PTTG1IP2: variants seen among roughly 807,000 people sequenced by gnomAD.
The protein encoded by PTTG1IP2 is PTTG1IP family member 2.
intron 5 of PTTG1IP2, among the ~76,000 whole-genome samples, chr7:90,492,694 A>G (rs1317607090): frequency 1.3e-5 from 2 of 152,190 alleles, no homozygotes; most frequent in African/African-American, 4.8e-5. Flanking sequence ...ATATTGATAA[A>G]GATGGGCTAA....
chr7:90,480,170 C>T (rs1186251035), intron 2 of PTTG1IP2, among the ~76,000 whole-genome samples: 1 of 152,162 alleles, frequency 6.6e-6, no homozygotes, highest in South Asian at 2.1e-4. Flanking sequence ...TGTAGTAAGA[C>T]ATCACTTCTG....
chr7:90,494,658 G>T (rs1797973010), intron 6 of PTTG1IP2, among the ~76,000 whole-genome samples: 1 of 152,124 alleles, frequency 6.6e-6, no homozygotes, highest in South Asian at 2.1e-4. Flanking sequence ...GAAGAGGGAG[G>T]ATCACCTGAG....
At chr7:90,506,050 A>G (rs1798121430) in intron 6 of PTTG1IP2, among the ~76,000 whole-genome samples, 1 of 148,200 alleles carries the variant, frequency 6.7e-6, no homozygotes, top group African/African-American at 2.5e-5. Flanking sequence ...TTCACTCACC[A>G]GCTTTTCTCC....
rs541339545 is a variant in PTTG1IP2 at position 90,511,413 on chromosome 7, C to A, written c.*51-1865C>A. ...AATTCCTTAGTGATATAGGAAAGGA[C>A]CTTCACAATTTGGGCTCAAGAGATA... On this transcript the variant is annotated intron_variant, in intron 6 of 6. Coordinates refer to ENST00000509356, the MANE Select transcript of PTTG1IP2 (RefSeq NM_001365443.2). Among the ~76,000 whole-genome samples, 97 of 152,244 alleles carry A rather than the reference C, an allele frequency of 6.4e-4. 1 individual carries two copies. Among genetic ancestry groups the A allele is most frequent in the South Asian group, 1.2e-3 (6 of 4,828 alleles).
rs200622044 is a variant in PTTG1IP2 at position 90,511,060 on chromosome 7, T to A, written c.*51-2218T>A. On this transcript the variant is annotated intron_variant, in intron 6 of 6. Coordinates refer to ENST00000509356, the MANE Select transcript of PTTG1IP2 (RefSeq NM_001365443.2). ...CATCTCTGTGACAATACAAGCCCCTTGAGGGCAAGGACAGTATTTTTTTTT... is the reference window on the plus strand; with the variant it reads ...CATCTCTGTGACAATACAAGCCCCTAGAGGGCAAGGACAGTATTTTTTTTT... Among the ~76,000 whole-genome samples the A allele has an allele frequency of 6.0e-5, 9 of 150,682 alleles. No homozygotes were observed. The East Asian group carries it at 1.8e-3, about 30-fold the overall frequency.
chr7:90,496,981 T>G (rs1390195774), intron 6 of PTTG1IP2, among the ~76,000 whole-genome samples: 1 of 152,252 alleles, frequency 6.6e-6, no homozygotes, highest in Non-Finnish European at 1.5e-5. Context: ...AATTTCCATG[T>G]TTTGGTGAAT....
chr7:90,474,044 A>G (rs1353912879), intron 1 of PTTG1IP2, among the ~76,000 whole-genome samples: 2 of 152,188 alleles, frequency 1.3e-5, no homozygotes, highest in African/African-American at 4.8e-5. Context: ...ATAGTTAGGC[A>G]ATTTCATCAT....
intron 1 of PTTG1IP2, among the ~76,000 whole-genome samples, chr7:90,478,848 A>G (rs1797782541): frequency 6.8e-6 from 1 of 147,832 alleles, no homozygotes; most frequent in Non-Finnish European, 1.5e-5. Context: ...TTTTTTTACT[A>G]TTTAAAGGGT....
chr7:90,487,983 C>T (rs1224955055), intron 3 of PTTG1IP2, among the ~76,000 whole-genome samples: 2 of 152,020 alleles, frequency 1.3e-5, no homozygotes, highest in African/African-American at 4.8e-5. Context: ...TAATGATTCA[C>T]TAGGACTGAA....
chr7:90,483,182 C>T (rs1336107550), intron 2 of PTTG1IP2, among the ~76,000 whole-genome samples: 3 of 152,114 alleles, frequency 2.0e-5, no homozygotes, highest in Non-Finnish European at 2.9e-5. Context: ...CAACCAGTAT[C>T]GTGGATTATT....
At chr7:90,483,229 G>A (rs1051869173) in intron 2 of PTTG1IP2, among the ~76,000 whole-genome samples, 1 of 152,076 alleles carries the variant, frequency 6.6e-6, no homozygotes, top group Non-Finnish European at 1.5e-5. Context: ...TACCACTGTT[G>A]GCATGATCCT....
intron 3 of PTTG1IP2, among the ~76,000 whole-genome samples, chr7:90,488,366 C>T (rs902772968): frequency 1.3e-5 from 2 of 151,830 alleles, no homozygotes; most frequent in African/African-American, 2.4e-5. Flanking sequence ...CATTTTACAA[C>T]ATACCAAGCT....
At chr7:90,499,705 T>C (rs1390155648) in intron 6 of PTTG1IP2, among the ~76,000 whole-genome samples, 1 of 152,078 alleles carries the variant, frequency 6.6e-6, no homozygotes, top group East Asian at 1.9e-4. Flanking sequence ...TGCCTCAGGC[T>C]CCAGAGTAGC....
chr7:90,470,303 T>C (rs1334557990), intron 1 of PTTG1IP2: 1 of 152,250 alleles, frequency 6.6e-6, no homozygotes, highest in East Asian at 1.9e-4. Flanking sequence ...TTTTAAGGTC[T>C]TAGTTAATAA....
At chr7:90,470,820 TC>T (rs1249404296) in intron 1 of PTTG1IP2, among the ~76,000 whole-genome samples, 1 of 152,062 alleles carries the variant, frequency 6.6e-6, no homozygotes, top group Non-Finnish European at 1.5e-5. Flanking sequence ...TCCAGTGCCA[TC>T]CTGGCCCCTT....
intron 3 of PTTG1IP2, among the ~76,000 whole-genome samples, chr7:90,488,205 T>C (rs1797898192): frequency 6.6e-6 from 1 of 152,006 alleles, no homozygotes; most frequent in Admixed American, 6.6e-5. Flanking sequence ...TTCACTGAAG[T>C]AAAAAGATAT....
Position 90,491,678 on chromosome 7 carries a change from C to T in PTTG1IP2, c.381-561C>T, listed in dbSNP as rs867342495. 2.0e-4 allele frequency among the ~76,000 whole-genome samples: 30 copies of T among 150,926 alleles called. 1 individual carries two copies. The highest frequency in any genetic ancestry group is 6.8e-4 in the African/African-American group (28 of 41,204). ...TTGCCTTCATGGAGCTTATAACTTA[C>T]TAAGGGGACACAGACAAGTAAACAA... On this transcript the variant is annotated intron_variant, in intron 4 of 6. Transcript: ENST00000509356.
chr7:90,490,131 A>G (rs1048247635), intron 4 of PTTG1IP2, among the ~76,000 whole-genome samples: 2 of 152,016 alleles, frequency 1.3e-5, no homozygotes, highest in Non-Finnish European at 1.5e-5. Flanking sequence ...TGTGGTTCCT[A>G]TACCTCTTTT....
intron 6 of PTTG1IP2, among the ~76,000 whole-genome samples, chr7:90,505,557 TACTG>T (rs1798114355): frequency 6.6e-6 from 1 of 152,226 alleles, no homozygotes. Context: ...AGACTTAACC[TACTG>T]TTTCCTTCTG....
Sources: allele counts gnomAD v4.1 joint callset (sites outside exome capture counted in the v4.1 genomes callset), GRCh38; gene constraint gnomAD v4.1.1; transcripts MANE v1.5; gene names NCBI Gene and HGNC (gene_info 2026-07-23, HGNC 2026-07-21).